Variants in RNF43 observed in about 807,000 individuals in gnomAD.
RNF43 encodes the protein E3 ubiquitin-protein ligase RNF43.
A neutral mutation model predicts 78.4 loss-of-function variants in RNF43; 37 were observed. The observed-to-expected ratio is 0.47, with a 90% confidence interval of 0.36 to 0.62. The LOEUF (loss-of-function observed/expected upper bound fraction) is 0.62, where lower values mean the gene tolerates loss of function less well. Among genes scored for constraint, RNF43 ranks in the 20% least tolerant of loss-of-function variants. RNF43 has a pLI of 0.00. For synonymous variants in RNF43, 347 were observed against 395.0 expected, an observed-to-expected ratio of 0.88 and a Z score of 1.44; for missense variants, 774 against 1,007.9, an observed-to-expected ratio of 0.77 and a Z score of 3.14.
intron 2 of RNF43, among the ~76,000 whole-genome samples, chr17:58,378,844 C>T (rs2143551588): frequency 6.6e-6 from 1 of 152,308 alleles, no homozygotes; most frequent in East Asian, 1.9e-4. Flanking sequence ...AAACTGAGCT[C>T]ACTGAAACTC....
Position 58,362,551 on chromosome 17 carries a change from C to T in RNF43, c.680G>A (p.Ser227Asn), listed in dbSNP as rs753641688. 34 of 1,609,382 alleles carry T rather than the reference C, an allele frequency of 2.1e-5. No homozygotes were observed. The highest frequency in any genetic ancestry group is 2.7e-5 in the Non-Finnish European group (32 of 1,177,638). Residue 227 changes from serine to asparagine, a missense_variant, in exon 6 of 10, where the codon AGC (serine) becomes AAC (asparagine). Physicochemically the swap from Ser to Asn is conservative, Grantham distance 46. Transcript: ENST00000407977. Reference sequence around the variant, plus strand: ...AGACCCCACACTGCTCACCGGCCTGCTGTGGCGGGGGCGGCACCGGATGCG... The same window carrying T: ...AGACCCCACACTGCTCACCGGCCTGTTGTGGCGGGGGCGGCACCGGATGCG... ...VLRIRCRPRH[S>N]RPDPLQQRTA...
chr17:58,362,645 C>T lies in RNF43; in HGVS notation c.586G>A (p.Asp196Asn). The T allele has an allele frequency of 6.2e-7, 1 of 1,608,448 alleles. No individual in the cohort carries two copies. The highest frequency in any genetic ancestry group is 8.5e-7 in the Non-Finnish European group (1 of 1,176,876). Residue 196 changes from aspartate (D) to asparagine (N), a missense_variant, in exon 6 of 10, where the codon GAT becomes AAT. By Grantham distance (23) the Asp-to-Asn change is conservative. Coordinates refer to ENST00000407977, the MANE Select transcript of RNF43 (RefSeq NM_017763.6). The part of the protein sequence containing the change: ...IELKEPPAWP[D>N]YDVWILMTVV... ...GTCATTAGGATCCACACATCATAAT[C>T]TGGCTGGGGAGTGAGCAGAGAGGGA...
intron 3 of RNF43, among the ~76,000 whole-genome samples, chr17:58,367,664 G>A (rs776529923): frequency 6.6e-6 from 1 of 152,204 alleles, no homozygotes; most frequent in Admixed American, 6.5e-5. Flanking sequence ...TGGCTGTGGA[G>A]CTGCTAATAA....
chr17:58,377,943 G>T (rs1181509343), intron 2 of RNF43, among the ~76,000 whole-genome samples: 1 of 152,020 alleles, frequency 6.6e-6, no homozygotes, highest in Non-Finnish European at 1.5e-5. Flanking sequence ...GCATCATAAA[G>T]TAAAGCTCCT....
At position 58,360,775 on chromosome 17, in the gene RNF43, T is replaced by C. The variant is rs1972818443; in HGVS notation, c.849+8A>G. 2 of 1,581,432 alleles carry C rather than the reference T, an allele frequency of 1.3e-6. No homozygotes were observed. Among genetic ancestry groups the C allele is most frequent in the South Asian group, 2.2e-5 (2 of 89,624 alleles). On this transcript the variant is annotated splice_region_variant and intron_variant, in intron 7 of 9. Coordinates refer to ENST00000407977, the MANE Select transcript of RNF43 (RefSeq NM_017763.6). The surrounding 1 kb of genome is among the most constrained non-coding windows in gnomAD (Gnocchi z 4.3). ...GGTCATGGAGGTGAACCACAAGACCTGCCTTACCTGCCCCTCAGAGAACTC... is the reference window on the plus strand; with the variant it reads ...GGTCATGGAGGTGAACCACAAGACCCGCCTTACCTGCCCCTCAGAGAACTC...
At position 58,371,526 on chromosome 17, in the gene RNF43, G is replaced by A. The variant is rs574014892; in HGVS notation, c.253-493C>T. Among the ~76,000 whole-genome samples the A allele has an allele frequency of 1.7e-4, 26 of 152,344 alleles. No homozygotes were observed. The South Asian group carries it at 5.4e-3, about 32-fold the overall frequency. The stretch of plus-strand genomic sequence containing the variant: ...TCCTGCCTCCTCGGGATGCCCCCAG[G>A]CAACTGTTGCCCTGTAGATTCCCAT... On this transcript the variant is annotated intron_variant, in intron 2 of 9. Transcript: ENST00000407977.
At chr17:58,356,497 G>A (rs978999569) in intron 9 of RNF43, among the ~76,000 whole-genome samples, 5 of 152,118 alleles carry the variant, frequency 3.3e-5, no homozygotes, top group African/African-American at 9.7e-5. Context: ...GAGAATTTAC[G>A]TGATCACTGC....
intron 2 of RNF43, among the ~76,000 whole-genome samples, chr17:58,404,896 G>A (rs2680711): frequency 0.017 from 2,614 of 151,092 alleles, 79 homozygotes; most frequent in African/African-American, 0.058. Flanking sequence ...GGACTGATTG[G>A]TACATTTTAG....
chr17:58,358,771 T>C lies in RNF43; in HGVS notation c.1005A>G (p.Pro335=). The C allele has an allele frequency of 6.4e-7, 1 of 1,558,664 alleles. No individual in the cohort carries two copies. The highest frequency in any genetic ancestry group is 1.2e-5 in the South Asian group (1 of 84,838). Residue 335 remains proline (P), a synonymous_variant, in exon 9 of 10, where the codon CCA becomes CCG. Transcript: ENST00000407977. The surrounding 1 kb of genome is among the most constrained non-coding windows in gnomAD (Gnocchi z 6.2). ...GGCGAATGAGGTGGAGTCTTCGACCTGGTTCTTGGTAAGATCGAGAGGGTC... is the reference window on the plus strand; with the variant it reads ...GGCGAATGAGGTGGAGTCTTCGACCCGGTTCTTGGTAAGATCGAGAGGGTC... ...SLGPSRSYQE[P]GRRLHLIRQH... is the part of the protein sequence containing the mutation.
chr17:58,364,396 G>A (rs1465300949), intron 3 of RNF43, among the ~76,000 whole-genome samples: 1 of 152,216 alleles, frequency 6.6e-6, no homozygotes. Context: ...TCAGCTTGAG[G>A]AAGCAGAATC....
intron 2 of RNF43, among the ~76,000 whole-genome samples, chr17:58,404,050 A>G (rs567744867): frequency 3.3e-5 from 5 of 152,370 alleles, no homozygotes; most frequent in African/African-American, 9.6e-5. Flanking sequence ...TTAAAATATG[A>G]AACTCCAGAG....
chr17:58,389,464 C>T (rs567096175), intron 2 of RNF43, among the ~76,000 whole-genome samples: 2 of 152,254 alleles, frequency 1.3e-5, no homozygotes, highest in East Asian at 1.9e-4. Flanking sequence ...GAGTGACAAG[C>T]CTTCTGAAAC....
At chr17:58,362,756 T>A in intron 5 of RNF43, 108 bp from the exon 6 acceptor site, 1 of 782,398 alleles carries the variant, frequency 1.3e-6, no homozygotes, top group Non-Finnish European at 2.1e-6. Context: ...GAGGTTCCCT[T>A]GAGTCCTCCA....
Position 58,360,434 on chromosome 17 carries a change from C to A in RNF43, c.850-183G>T, listed in dbSNP as rs1469416271. ...TAGACCTGGATTTTGCACTTAGCTG[C>A]ATGACGTTGGGCAACTTTCTTAACA... On this transcript the variant is annotated intron_variant, in intron 7 of 9. Transcript: ENST00000407977. This position sits in a 1 kb window ranked among gnomAD's most constrained non-coding sequence, Gnocchi z 4.3. Among the ~76,000 whole-genome samples the A allele has an allele frequency of 1.3e-5, 2 of 152,182 alleles. No individual in the cohort carries two copies. The highest frequency in any genetic ancestry group is 4.8e-5 in the African/African-American group (2 of 41,434).
rs1157591264 is a variant in RNF43, at chr17:58,360,276, C to T, written c.850-25G>A. ...CCTGGAGAAAAAGAGGGGGTCCAAA[C>T]CAAAGGCTTCTGTAGCCATAGGAAT... On this transcript the variant is annotated intron_variant, in intron 7 of 9. Coordinates refer to ENST00000407977, the MANE Select transcript of RNF43 (RefSeq NM_017763.6). The surrounding 1 kb of genome is among the most constrained non-coding windows in gnomAD (Gnocchi z 4.3). 1.3e-6 allele frequency: 2 copies of T among 1,572,116 alleles called. No homozygotes were observed. Among genetic ancestry groups the T allele is most frequent in the Non-Finnish European group, 1.8e-6 (2 of 1,141,636 alleles).
chr17:58,397,514 T>G (rs1384033577), intron 2 of RNF43, among the ~76,000 whole-genome samples: 2 of 151,866 alleles, frequency 1.3e-5, no homozygotes, highest in African/African-American at 2.4e-5. Context: ...AATACAAAAA[T>G]TAGCTGGGCA....
At chr17:58,371,869 T>C (rs2143521651) in intron 2 of RNF43, among the ~76,000 whole-genome samples, 1 of 152,320 alleles carries the variant, frequency 6.6e-6, no homozygotes, top group South Asian at 2.1e-4. Context: ...GCTCTCCTCA[T>C]CAAAGGGGTG....
In RNF43 at chr17:58,360,029, A is replaced by T; in HGVS notation, c.952+120T>A. ...CACTCTGGAGCAGTGTACAGCCCATACAACTATGGTGGCAGTTCTGCTTTC... is the reference window on the plus strand; with the variant it reads ...CACTCTGGAGCAGTGTACAGCCCATTCAACTATGGTGGCAGTTCTGCTTTC... On this transcript the variant is annotated intron_variant, in intron 8 of 9. Coordinates refer to ENST00000407977, the MANE Select transcript of RNF43 (RefSeq NM_017763.6). The surrounding 1 kb of genome is among the most constrained non-coding windows in gnomAD (Gnocchi z 4.3). 1 of 737,428 alleles carries T rather than the reference A, an allele frequency of 1.4e-6. No homozygotes were observed. The highest frequency in any genetic ancestry group is 1.6e-5 in the South Asian group (1 of 63,878). 45.7% of individuals were successfully genotyped at this position (737,428 alleles called of 1,614,324 possible). A position where few individuals can be genotyped will look rare whatever the true frequency, so the allele number is the denominator to read the frequency against.
Position 58,357,629 on chromosome 17 carries a change from C to G in RNF43, c.2147G>C (p.Gly716Ala), listed in dbSNP as rs765464591. The change falls in exon 9 of 10, where the codon GGC (glycine) becomes GCC (alanine). Residue 716 changes from glycine to alanine, a missense_variant. Coordinates refer to ENST00000407977, the MANE Select transcript of RNF43 (RefSeq NM_017763.6). This position sits in a 1 kb window ranked among gnomAD's most constrained non-coding sequence, Gnocchi z 4.5. ...LDKRLLPETP[G>A]PCYSNSQPVW... ...TGGCTGTGAATTTGAGTAACAGGGG[C>G]CTGGGGTTTCTGGTAGCAGCCTCTT... 1.2e-6 allele frequency: 2 copies of G among 1,613,770 alleles called. No individual in the cohort carries two copies. The highest frequency in any genetic ancestry group is 2.2e-5 in the South Asian group (2 of 91,078).
Sources: gnomAD v4.1 joint callset for allele counts (sites outside exome capture counted in the v4.1 genomes callset) on GRCh38, gnomAD v4.1.1 for gene constraint, Gnocchi (gnomAD v3.1) non-coding constraint, MANE v1.5 for transcripts, NCBI Gene and HGNC (gene_info 2026-07-23, HGNC 2026-07-21) for gene names.